ABL2: variants seen among roughly 807,000 people sequenced by gnomAD.
The protein encoded by ABL2 is tyrosine-protein kinase ABL2.
A neutral mutation model predicts 107.7 loss-of-function variants in ABL2; 49 were observed. The ratio of observed to expected loss-of-function variants is 0.45; its 90% CI spans 0.36 to 0.58. ABL2 has a LOEUF of 0.58. Among genes scored for constraint, ABL2 ranks in the 20% least tolerant of loss-of-function variants. The pLI is 0.00. For synonymous variants in ABL2, 549 were observed against 548.6 expected (o/e 1.00, Z -0.01); for missense variants, 1,245 against 1,457.0 (o/e 0.85, Z 2.37).
At chr1:179,205,292 T>G (rs1257163194) in intron 1 of ABL2, among the ~76,000 whole-genome samples, 2 of 152,180 alleles carry the variant, frequency 1.3e-5, no homozygotes, top group African/African-American at 2.4e-5. Context: ...CCCAAAGTGC[T>G]GGGATTACAG....
intron 1 of ABL2, among the ~76,000 whole-genome samples, chr1:179,213,416 G>A (rs965312707): frequency 7.9e-5 from 12 of 151,068 alleles, no homozygotes; most frequent in African/African-American, 2.4e-4. Context: ...CTATCCTCCC[G>A]CCTCTGCCTC....
intron 1 of ABL2, among the ~76,000 whole-genome samples, chr1:179,220,239 T>C (rs1662797692): frequency 6.6e-6 from 1 of 152,214 alleles, no homozygotes; most frequent in African/African-American, 2.4e-5. Flanking sequence ...GCTTCACCTA[T>C]TTCAGAGTAG....
chr1:179,183,420 C>G (rs1660495222), intron 1 of ABL2, among the ~76,000 whole-genome samples: 1 of 152,026 alleles, frequency 6.6e-6, no homozygotes, highest in South Asian at 2.1e-4. Flanking sequence ...CTAGAAAGTA[C>G]AGGTTGATTT....
chr1:179,173,249 A>G (rs1298492227), intron 1 of ABL2, among the ~76,000 whole-genome samples: 1 of 151,800 alleles, frequency 6.6e-6, no homozygotes, highest in Admixed American at 6.6e-5. Flanking sequence ...TCTTCATTCC[A>G]CATACATTCT....
chr1:179,222,980 G>A (rs1571348383), intron 1 of ABL2, among the ~76,000 whole-genome samples: 1 of 151,618 alleles, frequency 6.6e-6, no homozygotes, highest in South Asian at 2.1e-4. Flanking sequence ...TGTGGTGGCA[G>A]CCGCCTGTAA....
At chr1:179,229,186 C>CCCCCCCCCCCCCCCCCCCCCCCCCCCCG in intron 1 of ABL2, 55 bp downstream of exon 1, 1 of 667,784 alleles carries the variant, frequency 1.5e-6, no homozygotes, top group Non-Finnish European at 2.3e-6. Context: ...CACCCCGCCC[C>CCCCCCCCCCCCCCCCCCCCCCCCCCCCG]GACCCCACCC....
chr1:179,225,744 T>C (rs1274982929), intron 1 of ABL2, among the ~76,000 whole-genome samples: 2 of 152,024 alleles, frequency 1.3e-5, no homozygotes, highest in East Asian at 3.9e-4. Flanking sequence ...CCGCCGAGGT[T>C]AAGAAACTAT....
chr1:179,216,988 A>G (rs1405898102), intron 1 of ABL2, among the ~76,000 whole-genome samples: 1 of 151,636 alleles, frequency 6.6e-6, no homozygotes, highest in Admixed American at 6.6e-5. Flanking sequence ...GGCCAGTTAC[A>G]TAGATTCTAA....
chr1:179,130,805 AT>A (rs1380640689), intron 3 of ABL2, among the ~76,000 whole-genome samples: 6 of 151,370 alleles, frequency 4.0e-5, no homozygotes, highest in Non-Finnish European at 7.4e-5. Context: ...AGTAACTTTT[AT>A]GAGAAAGAAA....
At chr1:179,142,997 A>G (rs1657728363) in intron 1 of ABL2, 1 of 1,614,110 alleles carries the variant, frequency 6.2e-7, no homozygotes, top group East Asian at 2.2e-5. Context: ...AAGTGTCCTG[A>G]TCTCTGCCAT....
chr1:179,188,356 A>G (rs992714834), intron 1 of ABL2, among the ~76,000 whole-genome samples: 3 of 152,076 alleles, frequency 2.0e-5, no homozygotes, highest in African/African-American at 7.2e-5. Context: ...AGCCTGGCCA[A>G]TATGGCGAAA....
chr1:179,115,683 G>A (rs1026612115), intron 8 of ABL2, among the ~76,000 whole-genome samples: 1 of 152,108 alleles, frequency 6.6e-6, no homozygotes, highest in African/African-American at 2.4e-5. Flanking sequence ...ATCCAAGGGG[G>A]GGGTCTTAGA....
chr1:179,171,279 T>G (rs534078712), intron 1 of ABL2, among the ~76,000 whole-genome samples: 1 of 152,170 alleles, frequency 6.6e-6, no homozygotes. Context: ...ACCCCACTTA[T>G]AGTAGGATTT....
chr1:179,120,948 A>C (rs1272120000), intron 5 of ABL2, among the ~76,000 whole-genome samples: 1 of 152,180 alleles, frequency 6.6e-6, no homozygotes, highest in Non-Finnish European at 1.5e-5. Flanking sequence ...CTTAGATCAT[A>C]ATCTTCTTAG....
At chr1:179,156,588 T>A (rs560590035) in intron 1 of ABL2, among the ~76,000 whole-genome samples, 1 of 152,246 alleles carries the variant, frequency 6.6e-6, no homozygotes, top group African/African-American at 2.4e-5. Context: ...AATAAAACTT[T>A]ACTAGGCCTG....
chr1:179,109,954 G>A (rs1288519295), intron 11 of ABL2, among the ~76,000 whole-genome samples: 1 of 152,042 alleles, frequency 6.6e-6, no homozygotes, highest in African/African-American at 2.4e-5. Flanking sequence ...AAAAAAAATG[G>A]GGGAGGAGAT....
intron 3 of ABL2, among the ~76,000 whole-genome samples, chr1:179,129,552 C>T (rs1056669124): frequency 2.2e-4 from 34 of 151,868 alleles, no homozygotes; most frequent in African/African-American, 8.2e-4. Context: ...CGTGGTGGTG[C>T]GTGCCTGTAA....
In ABL2 at chr1:179,142,942, C is replaced by T. The variant is rs376770494; in HGVS notation, c.158-9568G>A. On this transcript the variant is annotated intron_variant, in intron 1 of 11. Transcript: ENST00000502732. ...CAACTCTGAACCATACCTGTTAAGT[C>T]GGGTAGAGCAGATTCTGAGGCCTCA... 5.6e-5 allele frequency: 90 copies of T among 1,613,964 alleles called. No homozygotes were observed. The African/African-American group carries it at 1.0e-3, about 19-fold the overall frequency.
At chr1:179,229,196 C>G in intron 1 of ABL2, 45 bp downstream of exon 1, 2 of 1,334,468 alleles carry the variant, frequency 1.5e-6, no homozygotes, top group Non-Finnish European at 2.0e-6. Flanking sequence ...CGACCCCACC[C>G]CCGGCCTCCC....
Sources: gnomAD v4.1 joint callset for allele counts (sites outside exome capture counted in the v4.1 genomes callset) on GRCh38, gnomAD v4.1.1 for gene constraint, MANE v1.5 for transcripts, NCBI Gene and HGNC (gene_info 2026-07-23, HGNC 2026-07-21) for gene names.